The following EVI5 variants were observed in gnomAD, a reference collection of about 807,000 sequenced individuals.
EVI5 encodes the protein ecotropic viral integration site 5.
In EVI5, 73 loss-of-function variants were observed where a neutral mutation model predicts 112.0. That is an observed-to-expected ratio of 0.65 (90% CI 0.54 to 0.79). EVI5 has a LOEUF of 0.79. Among genes scored for constraint, EVI5 ranks in the 30% least tolerant of loss-of-function variants. The pLI, the probability that EVI5 is intolerant of heterozygous loss-of-function variation, is 0.00. For missense variants in EVI5, 900 were observed against 968.8 expected (o/e 0.93, Z 0.94); for synonymous variants, 305 against 319.9 (o/e 0.95, Z 0.50).
intron 13 of EVI5, among the ~76,000 whole-genome samples, chr1:92,648,190 CAAAAAAAAAAAAAAA>C (rs961901260): frequency 0.026 from 618 of 24,100 alleles, 3 homozygotes; most frequent in Admixed American, 0.07. Flanking sequence ...ACTAAAAATA[CAAAAAAAAAAAAAAA>C]AAAAAAAAAA....
chr1:92,678,579 A>G (rs1667112624), intron 9 of EVI5, among the ~76,000 whole-genome samples: 1 of 152,148 alleles, frequency 6.6e-6, no homozygotes, highest in Non-Finnish European at 1.5e-5. Flanking sequence ...TGAAAAGGGC[A>G]TATCATCTCT....
At chr1:92,628,413 T>C (rs1656168585) in intron 14 of EVI5, among the ~76,000 whole-genome samples, 1 of 152,254 alleles carries the variant, frequency 6.6e-6, no homozygotes, top group African/African-American at 2.4e-5. Context: ...AGCAAACGTC[T>C]AGAAGGGTTT....
intron 9 of EVI5, among the ~76,000 whole-genome samples, chr1:92,679,536 T>TA (rs1230223407): frequency 2.6e-5 from 4 of 151,668 alleles, no homozygotes; most frequent in Non-Finnish European, 4.4e-5. Context: ...AAACTTAATT[T>TA]AAAAAAAAAT....
intron 16 of EVI5, among the ~76,000 whole-genome samples, chr1:92,611,698 CAAAAA>C (rs35037095): frequency 2.9e-4 from 26 of 88,528 alleles, no homozygotes; most frequent in African/African-American, 8.8e-4. Flanking sequence ...GACTCCGTCA[CAAAAA>C]AAAAAAAAAA....
At chr1:92,554,367 G>A (rs1159254362) in intron 19 of EVI5, among the ~76,000 whole-genome samples, 3 of 152,162 alleles carry the variant, frequency 2.0e-5, no homozygotes, top group Non-Finnish European at 2.9e-5. Flanking sequence ...AAGTTAGAAT[G>A]CCCAGGCATG....
chr1:92,787,678 C>T (rs566511631), upstream of EVI5, among the ~76,000 whole-genome samples: 14 of 150,456 alleles, frequency 9.3e-5, no homozygotes, highest in African/African-American at 2.4e-4. Context: ...AGGGTGAGGC[C>T]GAAGTGAGCC....
chr1:92,597,581 T>A (rs1372498839), intron 18 of EVI5, among the ~76,000 whole-genome samples: 2 of 152,218 alleles, frequency 1.3e-5, no homozygotes, highest in East Asian at 3.8e-4. Flanking sequence ...AAAGAACATA[T>A]ACAAGTTGAT....
At chr1:92,709,689 G>A (rs1558122760) in intron 2 of EVI5, among the ~76,000 whole-genome samples, 1 of 152,116 alleles carries the variant, frequency 6.6e-6, no homozygotes, top group Non-Finnish European at 1.5e-5. Context: ...TTGATACCAT[G>A]AAGTCTCTCC....
At chr1:92,658,709 T>A (rs2102132222) in intron 13 of EVI5, among the ~76,000 whole-genome samples, 1 of 152,230 alleles carries the variant, frequency 6.6e-6, no homozygotes, top group Middle Eastern at 3.4e-3. Context: ...AATGTCTTTT[T>A]TCACAGTTAG....
chr1:92,536,795 T>C (rs1490211226), intron 19 of EVI5, among the ~76,000 whole-genome samples: 1 of 152,178 alleles, frequency 6.6e-6, no homozygotes, highest in Non-Finnish European at 1.5e-5. Context: ...GACAATGTGC[T>C]GTGTGTCTGC....
At chr1:92,532,687 T>C (rs1185607810) in intron 19 of EVI5, among the ~76,000 whole-genome samples, 2 of 152,164 alleles carry the variant, frequency 1.3e-5, no homozygotes, top group South Asian at 4.1e-4. Context: ...GAATGACTAC[T>C]GGGTAAATAA....
At chr1:92,622,307 A>C in intron 16 of EVI5, 1 of 450,756 alleles carries the variant, frequency 2.2e-6, no homozygotes, top group Admixed American at 2.4e-5. Flanking sequence ...GCATTAAAAA[A>C]TATTATTTTA....
intron 1 of EVI5, among the ~76,000 whole-genome samples, chr1:92,737,228 G>C (rs1016183612): frequency 2.6e-5 from 4 of 152,074 alleles, no homozygotes; most frequent in African/African-American, 7.2e-5. Flanking sequence ...ACAAAATTAT[G>C]GTAAATGGCT....
At chr1:92,687,782 T>G (rs1044638035) in intron 9 of EVI5, among the ~76,000 whole-genome samples, 1 of 152,158 alleles carries the variant, frequency 6.6e-6, no homozygotes, top group Non-Finnish European at 1.5e-5. Context: ...AGACATGTGA[T>G]AAAATGCTCA....
chr1:92,514,572 A>G (rs1009667995), intron 19 of EVI5, among the ~76,000 whole-genome samples: 1 of 152,224 alleles, frequency 6.6e-6, no homozygotes, highest in African/African-American at 2.4e-5. Context: ...TGCTAAGGAC[A>G]TATATAGCTA....
intron 19 of EVI5, among the ~76,000 whole-genome samples, chr1:92,524,105 T>G (rs879467818): frequency 1.4e-3 from 60 of 43,218 alleles, no homozygotes; most frequent in Non-Finnish European, 2.2e-3. Flanking sequence ...TAAAAAAAAA[T>G]AAAAGAAAAA....
chr1:92,563,787 G>C (rs748383478), intron 18 of EVI5, 50 bp from the exon 19 acceptor site: 1 of 1,094,472 alleles, frequency 9.1e-7, no homozygotes, highest in Non-Finnish European at 1.4e-6. Flanking sequence ...ATTTTTCACA[G>C]CATGTACTCA....
At position 92,510,965 on chromosome 1, in the gene EVI5, T is replaced by C. The variant is rs1485841564; in HGVS notation, c.*2691A>G. 6.6e-6 allele frequency: 1 copy of C among 152,188 alleles called. No individual in the cohort carries two copies. The highest frequency in any genetic ancestry group is 2.4e-5 in the African/African-American group (1 of 41,446). The allele number at this position is 152,188 out of a possible 1,614,324, so 9.4% of individuals were successfully genotyped here. A position where few individuals can be genotyped will look rare whatever the true frequency, so the allele number is the denominator to read the frequency against. On this transcript the variant is annotated 3_prime_UTR_variant, in exon 20 of 20. Coordinates refer to ENST00000684568, the MANE Select transcript of EVI5 (RefSeq NM_001350197.2). ...TGCATCATCTCACTTCACTTGGACA[T>C]TGATAGCTTTCTGGGCTGATAGTAT...
At chr1:92,754,397 T>C (rs1680605787) in intron 1 of EVI5, among the ~76,000 whole-genome samples, 1 of 152,200 alleles carries the variant, frequency 6.6e-6, no homozygotes, top group Non-Finnish European at 1.5e-5. Flanking sequence ...TACAAGTCTC[T>C]TTCTCTCATC....
Sources: allele counts gnomAD v4.1 joint callset (sites outside exome capture counted in the v4.1 genomes callset), GRCh38; gene constraint gnomAD v4.1.1; transcripts MANE v1.5; gene names NCBI Gene and HGNC (gene_info 2026-07-23, HGNC 2026-07-21).